The following MICAL2 variants were observed in gnomAD, a reference collection of about 807,000 sequenced individuals.
MICAL2 encodes the protein microtubule associated monooxygenase, calponin and LIM domain containing 2, also known as [F-actin]-monooxygenase MICAL2.
Under a neutral mutation model 127.3 loss-of-function variants are expected in MICAL2, and 77 were observed. That is an observed-to-expected ratio of 0.60 (90% confidence interval 0.50 to 0.73). The LOEUF is 0.73. MICAL2 is among the 30% of genes least tolerant of loss of function. The pLI is 0.00. For synonymous variants in MICAL2, 570 were observed against 551.1 expected (o/e 1.03, Z -0.48); for missense variants, 1,351 against 1,434.4 (o/e 0.94, Z 0.94).
chr11:12,234,830 C>T (rs1858804809), intron 15 of MICAL2, among the ~76,000 whole-genome samples: 1 of 152,124 alleles, frequency 6.6e-6, no homozygotes, highest in African/African-American at 2.4e-5. Context: ...TTTCAGACAA[C>T]CAGGAGGTAA....
chr11:12,268,331 C>T (rs1367659443), downstream of MICAL2, among the ~76,000 whole-genome samples: 2 of 152,230 alleles, frequency 1.3e-5, no homozygotes, highest in African/African-American at 4.8e-5. Context: ...GCCTTGGATG[C>T]CTCCTCTCAG....
chr11:12,146,312 C>A (rs1590066195), intron 2 of MICAL2, among the ~76,000 whole-genome samples: 1 of 152,182 alleles, frequency 6.6e-6, no homozygotes, highest in Non-Finnish European at 1.5e-5. Context: ...TTGCAATCTA[C>A]TCATCTGACA....
rs4757329 is a variant in MICAL2, at chr11:12,278,470, G to T, written c.87+2304G>T. Reference sequence around the variant, plus strand: ...GTAAATAGGTGATAGGAATTTTCCCGCTCCATTATAATTTTATGGGACCAC... The same window carrying T: ...GTAAATAGGTGATAGGAATTTTCCCTCTCCATTATAATTTTATGGGACCAC... On this transcript the variant is annotated intron_variant, in intron 1 of 2. Transcript: ENST00000529028. 1.1e-4 allele frequency among the ~76,000 whole-genome samples: 16 copies of T among 152,122 alleles called. No individual in the cohort carries two copies. The East Asian group carries it at 2.9e-3, about 28-fold the overall frequency.
chr11:12,242,347 C>T lies in MICAL2; in HGVS notation c.2471C>T (p.Ala824Val). 6.2e-7 allele frequency: 1 copy of T among 1,614,140 alleles called. No homozygotes were observed. The highest frequency in any genetic ancestry group is 8.5e-7 in the Non-Finnish European group (1 of 1,179,984). Residue 824 changes from alanine to valine, a missense_variant, in exon 19 of 28, where the codon GCT becomes GTT. Transcript: ENST00000683283. ...DLQLGGTENFATLPSTRPRAQ... is the reference protein window; with the variant it reads ...DLQLGGTENFVTLPSTRPRAQ... The stretch of plus-strand genomic sequence containing the variant: ...CAGCTGGGTGGGACAGAAAATTTCG[C>T]TACCCTGCCTTCTACCCGCCCGAGG...
At chr11:12,275,401 A>G (rs1863714299), upstream of MICAL2, among the ~76,000 whole-genome samples, 1 of 152,196 alleles carries the variant, frequency 6.6e-6, no homozygotes, top group African/African-American at 2.4e-5. Flanking sequence ...CAAGAGCATG[A>G]GTGTAGACAG....
At chr11:12,167,644 G>T (rs886734561) in intron 3 of MICAL2, among the ~76,000 whole-genome samples, 3 of 152,158 alleles carry the variant, frequency 2.0e-5, no homozygotes, top group Non-Finnish European at 4.4e-5. Flanking sequence ...AGCAGAAGAT[G>T]GTCCCTGGGG....
chr11:12,290,858 G>T (rs984420786), downstream of MICAL2, among the ~76,000 whole-genome samples: 9 of 152,208 alleles, frequency 5.9e-5, no homozygotes, highest in African/African-American at 7.2e-5. Context: ...GAACGGTGTG[G>T]CCTCCTGGGG....
At chr11:12,189,857 G>A (rs926734146) in intron 3 of MICAL2, among the ~76,000 whole-genome samples, 1 of 152,204 alleles carries the variant, frequency 6.6e-6, no homozygotes, top group African/African-American at 2.4e-5. Context: ...CAGGCTGTGA[G>A]GGGAGGCTTT....
chr11:12,240,117 G>T (rs1380171896), intron 17 of MICAL2, among the ~76,000 whole-genome samples: 1 of 152,206 alleles, frequency 6.6e-6, no homozygotes, highest in African/African-American at 2.4e-5. Flanking sequence ...AGTATTGAAG[G>T]CCAACCTCCC....
intron 2 of MICAL2, among the ~76,000 whole-genome samples, chr11:12,151,175 C>A (rs968976015): frequency 2.6e-5 from 4 of 152,090 alleles, no homozygotes; most frequent in African/African-American, 9.7e-5. Flanking sequence ...AGTCTCCTGT[C>A]TTATGCTATT....
intron 32 of MICAL2, among the ~76,000 whole-genome samples, chr11:12,328,284 A>G (rs1448270597): frequency 6.6e-6 from 1 of 152,224 alleles, no homozygotes; most frequent in Non-Finnish European, 1.5e-5. Flanking sequence ...AATCCACAAT[A>G]CAGTATGACA....
intron 1 of MICAL2, among the ~76,000 whole-genome samples, chr11:12,126,894 G>A (rs550953002): frequency 2.6e-5 from 4 of 152,150 alleles, no homozygotes; most frequent in Admixed American, 6.5e-5. Flanking sequence ...CAGAGGTGGC[G>A]GCAGCAGCAG....
chr11:12,157,304 C>T (rs1001054585), intron 2 of MICAL2, among the ~76,000 whole-genome samples: 26 of 152,194 alleles, frequency 1.7e-4, no homozygotes, highest in Non-Finnish European at 3.5e-4. Flanking sequence ...GAGAGGTGCT[C>T]AGGGACTCTG....
downstream of MICAL2, among the ~76,000 whole-genome samples, chr11:12,288,083 C>T (rs77940180): frequency 5.5e-3 from 839 of 152,316 alleles, 12 homozygotes; most frequent in African/African-American, 0.02. Flanking sequence ...GACGCACCAC[C>T]GTCACACCAG....
At chr11:12,118,325 T>G (rs1850213913) in intron 1 of MICAL2, among the ~76,000 whole-genome samples, 1 of 152,210 alleles carries the variant, frequency 6.6e-6, no homozygotes, top group Admixed American at 6.5e-5. Flanking sequence ...CTCCCTTCTT[T>G]CCCTGTCCTC....
chr11:12,280,793 A>G, intron 1 of MICAL2: 2 of 397,250 alleles, frequency 5.0e-6, no homozygotes, highest in Non-Finnish European at 8.9e-6. Flanking sequence ...ACAAAGTCCG[A>G]AGCTGGGCTC....
chr11:12,134,161 A>G (rs1851650559), intron 1 of MICAL2, among the ~76,000 whole-genome samples: 1 of 152,190 alleles, frequency 6.6e-6, no homozygotes, highest in African/African-American at 2.4e-5. Context: ...GTTAGACAAG[A>G]TCATACAATT....
At chr11:12,249,688 C>T (rs965930690) in intron 22 of MICAL2, among the ~76,000 whole-genome samples, 6 of 152,230 alleles carry the variant, frequency 3.9e-5, no homozygotes, top group African/African-American at 4.8e-5. Context: ...ACATTCTGCT[C>T]TCACTGCTGC....
intron 32 of MICAL2, among the ~76,000 whole-genome samples, chr11:12,342,518 A>T (rs1192998003): frequency 6.6e-6 from 1 of 152,248 alleles, no homozygotes; most frequent in African/African-American, 2.4e-5. Context: ...CTAAAGGTGA[A>T]CAGAAAATAA....
Sources: allele counts gnomAD v4.1 joint callset (sites outside exome capture counted in the v4.1 genomes callset), GRCh38; gene constraint gnomAD v4.1.1; transcripts MANE v1.5; gene names NCBI Gene and HGNC (gene_info 2026-07-23, HGNC 2026-07-21).